FBXL7: variants seen among roughly 807,000 people sequenced by gnomAD.
FBXL7 encodes F-box and leucine rich repeat protein 7.
Under a neutral mutation model 38.3 loss-of-function variants are expected in FBXL7, and 12 were observed. That is an observed-to-expected ratio of 0.31 (90% CI 0.20 to 0.51). The LOEUF is 0.51. Ranked by LOEUF, FBXL7 falls within the 20% of genes least tolerant of loss-of-function variation. The probability of loss-of-function intolerance (pLI) is 0.98; values close to 1 mark genes in which losing one functional copy is unlikely to be tolerated. For synonymous variants in FBXL7, 297 were observed against 300.9 expected (o/e 0.99, Z 0.13); for missense variants, 567 against 676.4 (o/e 0.84, Z 1.79).
chr5:15,860,878 C>G (rs957144248), intron 2 of FBXL7, among the ~76,000 whole-genome samples: 6 of 152,144 alleles, frequency 3.9e-5, no homozygotes, highest in Non-Finnish European at 8.8e-5. Flanking sequence ...AAGCTAAGGT[C>G]CAAAGAGGTT....
At chr5:15,899,144 G>A (rs769336728) in intron 2 of FBXL7, among the ~76,000 whole-genome samples, 59 of 151,996 alleles carry the variant, frequency 3.9e-4, no homozygotes, top group African/African-American at 1.3e-3. Context: ...TCGGCTCACC[G>A]CAACCTCCAC....
intron 2 of FBXL7, among the ~76,000 whole-genome samples, chr5:15,852,867 C>T (rs778179525): frequency 3.3e-5 from 5 of 152,156 alleles, no homozygotes; most frequent in African/African-American, 7.2e-5. Context: ...AGGCAAAGCA[C>T]TCTGTGAGGG....
At chr5:15,805,659 A>C (rs2126746528) in intron 2 of FBXL7, among the ~76,000 whole-genome samples, 1 of 152,256 alleles carries the variant, frequency 6.6e-6, no homozygotes, top group African/African-American at 2.4e-5. Context: ...TCAACCCCTA[A>C]GGTCACTGAA....
chr5:15,767,099 C>T (rs1736611869), intron 2 of FBXL7, among the ~76,000 whole-genome samples: 1 of 151,902 alleles, frequency 6.6e-6, no homozygotes, highest in Non-Finnish European at 1.5e-5. Context: ...CACATATCAA[C>T]CCTTCAGCTA....
At chr5:15,605,203 G>A (rs560523760) in intron 1 of FBXL7, among the ~76,000 whole-genome samples, 1 of 152,240 alleles carries the variant, frequency 6.6e-6, no homozygotes, top group East Asian at 1.9e-4. Context: ...TCCAGCCACA[G>A]AGCTGGATCT....
intron 2 of FBXL7, among the ~76,000 whole-genome samples, chr5:15,666,397 A>T (rs1742277929): frequency 6.6e-6 from 1 of 152,224 alleles, no homozygotes; most frequent in African/African-American, 2.4e-5. Flanking sequence ...ATATTTACAA[A>T]CTATATTTAT....
intron 2 of FBXL7, among the ~76,000 whole-genome samples, chr5:15,655,368 C>T (rs1259026534): frequency 1.3e-5 from 2 of 151,898 alleles, no homozygotes; most frequent in Non-Finnish European, 2.9e-5. Flanking sequence ...TGGTGGCACA[C>T]ACTTGTAGGC....
At chr5:15,567,716 A>G (rs911496171) in intron 1 of FBXL7, among the ~76,000 whole-genome samples, 3 of 151,936 alleles carry the variant, frequency 2.0e-5, no homozygotes, top group Non-Finnish European at 4.4e-5. Context: ...ATTTAACATT[A>G]GGTATATCTC....
chr5:15,754,630 A>G (rs889282281), intron 2 of FBXL7, among the ~76,000 whole-genome samples: 3 of 152,206 alleles, frequency 2.0e-5, no homozygotes, highest in African/African-American at 7.2e-5. Flanking sequence ...TTTTATACCA[A>G]TGAGAAAACT....
intron 1 of FBXL7, among the ~76,000 whole-genome samples, chr5:15,524,890 G>A (rs577111417): frequency 6.6e-6 from 1 of 152,354 alleles, no homozygotes; most frequent in Admixed American, 6.5e-5. Flanking sequence ...GGAAAGAGAA[G>A]ATACTTGGCT....
chr5:15,555,537 C>G (rs1043988013), intron 1 of FBXL7, among the ~76,000 whole-genome samples: 1 of 152,126 alleles, frequency 6.6e-6, no homozygotes. Context: ...GGTGTATGTC[C>G]CTCCATGATT....
At chr5:15,579,724 G>A (rs1739076930) in intron 1 of FBXL7, among the ~76,000 whole-genome samples, 2 of 152,138 alleles carry the variant, frequency 1.3e-5, no homozygotes, top group African/African-American at 4.8e-5. Context: ...TCTGGGGCCA[G>A]TCAGTGGCTG....
intron 2 of FBXL7, among the ~76,000 whole-genome samples, chr5:15,863,252 C>T (rs1229913566): frequency 6.6e-6 from 1 of 152,134 alleles, no homozygotes; most frequent in Non-Finnish European, 1.5e-5. Flanking sequence ...AAGAGAAGAA[C>T]TGAGGAAATC....
At chr5:15,766,570 T>G (rs1736597659) in intron 2 of FBXL7, among the ~76,000 whole-genome samples, 1 of 152,222 alleles carries the variant, frequency 6.6e-6, no homozygotes, top group African/African-American at 2.4e-5. Context: ...AAGGCTGCTT[T>G]GGAGATTTCA....
At chr5:15,767,525 T>C (rs1405760501) in intron 2 of FBXL7, among the ~76,000 whole-genome samples, 6 of 152,064 alleles carry the variant, frequency 3.9e-5, no homozygotes, top group Non-Finnish European at 7.3e-5. Context: ...TGATTGTAAA[T>C]GCCCAGGGCT....
Position 15,746,186 on chromosome 5 carries a change from TAGAG to T in FBXL7, c.127+130117_127+130120del, listed in dbSNP as rs541779971. On this transcript the variant is annotated intron_variant, in intron 2 of 3. Transcript: ENST00000504595. ...TACTATTTAATGACTCAAGGAAAAT[TAGAG>T]AGGAGGAAGATTCAGGAGCATAAAA... 3.9e-5 allele frequency among the ~76,000 whole-genome samples: 6 copies of T among 152,128 alleles called. No homozygotes were observed. In the South Asian group the frequency reaches 6.2e-4, roughly 16 times the overall value.
At chr5:15,890,971 TGA>T (rs993571047) in intron 2 of FBXL7, among the ~76,000 whole-genome samples, 79 of 152,214 alleles carry the variant, frequency 5.2e-4, no homozygotes, top group African/African-American at 1.8e-3. Flanking sequence ...AAAAAAAACT[TGA>T]AAATCTATTA....
chr5:15,862,845 C>T (rs754694240), intron 2 of FBXL7, among the ~76,000 whole-genome samples: 32 of 152,198 alleles, frequency 2.1e-4, no homozygotes, highest in Admixed American at 4.6e-4. Flanking sequence ...TGGGGTGGAG[C>T]CTCGTCCTTA....
intron 2 of FBXL7, among the ~76,000 whole-genome samples, chr5:15,864,104 T>A (rs1255234459): frequency 6.6e-6 from 1 of 152,084 alleles, no homozygotes; most frequent in Admixed American, 6.5e-5. Context: ...GTCTAGGTAT[T>A]CCTTTATAGC....
Sources: gnomAD v4.1 joint callset for allele counts (sites outside exome capture counted in the v4.1 genomes callset) on GRCh38, gnomAD v4.1.1 for gene constraint, MANE v1.5 for transcripts, NCBI Gene and HGNC (gene_info 2026-07-23, HGNC 2026-07-21) for gene names.